DCDC1: variants seen among roughly 807,000 people sequenced by gnomAD.
DCDC1 encodes the protein doublecortin domain containing 1, also known as doublecortin domain-containing protein 1.
In DCDC1, 200 loss-of-function variants were observed where a neutral mutation model predicts 178.3. The ratio of observed to expected loss-of-function variants is 1.12; its 90% confidence interval spans 1.00 to 1.26. The LOEUF (loss-of-function observed/expected upper bound fraction) is 1.26. Ranked by LOEUF, DCDC1 falls within the 50% of genes most tolerant of loss-of-function variation. DCDC1 has a pLI of 0.00. For missense variants in DCDC1, 1,983 were observed against 1,749.2 expected, an observed-to-expected ratio of 1.13 and a Z score of -2.38; for synonymous variants, 690 against 604.8, an observed-to-expected ratio of 1.14 and a Z score of -2.07.
At chr11:31,330,085 C>T (rs529919543) in intron 2 of DCDC1, among the ~76,000 whole-genome samples, 59 of 152,180 alleles carry the variant, frequency 3.9e-4, no homozygotes, top group Admixed American at 1.2e-3. Context: ...TTTTAATGAT[C>T]GCCATTCTAA....
chr11:31,180,878 C>T (rs776493258), intron 9 of DCDC1, among the ~76,000 whole-genome samples: 17 of 151,958 alleles, frequency 1.1e-4, no homozygotes, highest in Admixed American at 3.3e-4. Flanking sequence ...GTTCACTTCC[C>T]TGGAAAGGGA....
intron 20 of DCDC1, among the ~76,000 whole-genome samples, chr11:31,036,839 G>C (rs1013677929): frequency 3.3e-5 from 5 of 152,036 alleles, no homozygotes; most frequent in African/African-American, 1.2e-4. Flanking sequence ...GCAGAACTCT[G>C]TTCAAATAGA....
At chr11:31,315,953 A>G (rs1343178931) in intron 3 of DCDC1, among the ~76,000 whole-genome samples, 1 of 111,864 alleles carries the variant, frequency 8.9e-6, no homozygotes, top group Middle Eastern at 3.8e-3. Context: ...ATGGTTTCCA[A>G]TTTCATCCAT....
In DCDC1 at chr11:31,265,615, A is replaced by C; in HGVS notation, c.961-15T>G. ...GTATCTAAAACCTGTGCAGGAAAAA[A>C]AAATTATAAATAATTTAGTAAACTG... On this transcript the variant is annotated splice_polypyrimidine_tract_variant and intron_variant, in intron 7 of 38. Transcript: ENST00000684477. 2 of 1,269,374 alleles carry C rather than the reference A, an allele frequency of 1.6e-6. No individual in the cohort carries two copies. Among genetic ancestry groups the C allele is most frequent in the Non-Finnish European group, 2.1e-6 (2 of 970,278 alleles). The allele number at this position is 1,269,374 out of a possible 1,614,324, so 78.6% of individuals were successfully genotyped here.
intron 20 of DCDC1, among the ~76,000 whole-genome samples, chr11:31,018,709 C>T (rs1017731099): frequency 2.0e-5 from 3 of 152,192 alleles, no homozygotes; most frequent in Non-Finnish European, 4.4e-5. Flanking sequence ...GGGGCATGCT[C>T]TGATGAGATT....
intron 20 of DCDC1, among the ~76,000 whole-genome samples, chr11:31,050,426 A>G (rs779211103): frequency 2.0e-5 from 3 of 152,212 alleles, no homozygotes; most frequent in Non-Finnish European, 2.9e-5. Context: ...CAACCCTGAT[A>G]GTGGAAGACA....
intron 7 of DCDC1, among the ~76,000 whole-genome samples, chr11:31,286,381 T>C (rs1213943929): frequency 6.6e-6 from 1 of 151,964 alleles, no homozygotes; most frequent in Admixed American, 6.6e-5. Flanking sequence ...ATTCATAGCA[T>C]ATATATATGT....
chr11:31,209,099 G>A (rs1342318424), intron 9 of DCDC1, among the ~76,000 whole-genome samples: 1 of 152,146 alleles, frequency 6.6e-6, no homozygotes, highest in Non-Finnish European at 1.5e-5. Context: ...TGAGGGGTCA[G>A]GAGAACATGA....
At chr11:31,254,521 T>A (rs543491046) in intron 8 of DCDC1, among the ~76,000 whole-genome samples, 2 of 152,342 alleles carry the variant, frequency 1.3e-5, no homozygotes, top group South Asian at 4.1e-4. Flanking sequence ...TGTGATAACA[T>A]TTAAGAAGTA....
chr11:31,030,152 G>A (rs896011214), intron 20 of DCDC1, among the ~76,000 whole-genome samples: 1 of 144,488 alleles, frequency 6.9e-6, no homozygotes, highest in African/African-American at 2.6e-5. Flanking sequence ...TTTTTTTCCT[G>A]GCAATTTTGA....
intron 2 of DCDC1, among the ~76,000 whole-genome samples, chr11:31,331,570 T>G (rs928990790): frequency 2.0e-5 from 3 of 152,200 alleles, no homozygotes; most frequent in Non-Finnish European, 4.4e-5. Context: ...ATACCTAGTT[T>G]ATTGAGTTTT....
At chr11:31,330,615 T>C (rs1949922802) in intron 2 of DCDC1, among the ~76,000 whole-genome samples, 1 of 152,240 alleles carries the variant, frequency 6.6e-6, no homozygotes, top group Non-Finnish European at 1.5e-5. Flanking sequence ...TTTCTACATA[T>C]GGCTAGCCAG....
intron 17 of DCDC1, among the ~76,000 whole-genome samples, chr11:31,085,621 A>G (rs1288136558): frequency 6.6e-6 from 1 of 151,822 alleles, no homozygotes; most frequent in Non-Finnish European, 1.5e-5. Context: ...TTATCTGTTC[A>G]CCTATGGATG....
At chr11:30,919,698 A>G (rs1359318221) in intron 25 of DCDC1, among the ~76,000 whole-genome samples, 1 of 152,202 alleles carries the variant, frequency 6.6e-6, no homozygotes, top group Admixed American at 6.5e-5. Context: ...ACCCATCCAA[A>G]TGAGGAAGTT....
At chr11:31,030,047 A>G (rs1477481378) in intron 20 of DCDC1, among the ~76,000 whole-genome samples, 1 of 152,112 alleles carries the variant, frequency 6.6e-6, no homozygotes, top group Non-Finnish European at 1.5e-5. Flanking sequence ...TTCAATTTGA[A>G]ATAAAATGAT....
intron 10 of DCDC1, among the ~76,000 whole-genome samples, chr11:31,136,895 T>G (rs867111028): frequency 5.3e-5 from 8 of 152,316 alleles, no homozygotes; most frequent in Admixed American, 3.3e-4. Context: ...CAATATTGCC[T>G]ACAGAATCTT....
intron 20 of DCDC1, among the ~76,000 whole-genome samples, chr11:31,044,203 C>A (rs1399389948): frequency 6.6e-6 from 1 of 152,092 alleles, no homozygotes; most frequent in African/African-American, 2.4e-5. Context: ...AGGGGCCGGG[C>A]ACGGTGGCTC....
intron 36 of DCDC1, among the ~76,000 whole-genome samples, chr11:30,892,372 C>T (rs528198697): frequency 3.3e-5 from 5 of 151,880 alleles, no homozygotes; most frequent in South Asian, 2.1e-4. Context: ...GTAAATGATT[C>T]GTGGTGGGTA....
chr11:30,921,855 A>G lies in DCDC1; in HGVS notation c.3133+648T>C, dbSNP rs183784469. On this transcript the variant is annotated intron_variant, in intron 24 of 38. Coordinates refer to ENST00000684477, the MANE Select transcript of DCDC1 (RefSeq NM_001387274.1). ...CTGGGAGGTGCAGCTAAGACCCAGG[A>G]GTTGCTGAGAATCTTTTTGGGGAGC... 2.4e-4 allele frequency among the ~76,000 whole-genome samples: 36 copies of G among 152,252 alleles called. 1 individual carries two copies. The highest frequency in any genetic ancestry group is 8.4e-4 in the African/African-American group (35 of 41,546).
Sources: allele counts gnomAD v4.1 joint callset (sites outside exome capture counted in the v4.1 genomes callset), GRCh38; gene constraint gnomAD v4.1.1; transcripts MANE v1.5; gene names NCBI Gene and HGNC (gene_info 2026-07-23, HGNC 2026-07-21).